The following PRKCQ variants were observed in gnomAD, a reference collection of about 807,000 sequenced individuals.
The protein encoded by PRKCQ is protein kinase C theta, also known as protein kinase C theta type.
A neutral mutation model predicts 91.2 loss-of-function variants in PRKCQ; 41 were observed. The observed-to-expected ratio is 0.45, with a 90% CI of 0.35 to 0.58. The LOEUF is 0.58. Among genes scored for constraint, PRKCQ ranks in the 20% least tolerant of loss-of-function variants. PRKCQ has a pLI of 0.00. For missense variants in PRKCQ, 673 were observed against 896.5 expected (o/e 0.75, Z 3.18); for synonymous variants, 307 against 316.9 (o/e 0.97, Z 0.33).
chr10:6,416,821 A>G, the PRKCQ span, among the ~76,000 whole-genome samples: 1 of 152,216 alleles, frequency 6.6e-6, no homozygotes, highest in East Asian at 1.9e-4. Context: ...ACTAGTTTAC[A>G]TTCCCACCAG....
chr10:6,495,707 G>A (rs1432148942), intron 7 of PRKCQ, among the ~76,000 whole-genome samples: 2 of 152,208 alleles, frequency 1.3e-5, no homozygotes, highest in East Asian at 3.8e-4. Context: ...ACCCAGTGAG[G>A]ATTTGTGGAA....
the PRKCQ span, among the ~76,000 whole-genome samples, chr10:6,419,685 CTTTTTTTTTT>C: frequency 5.6e-5 from 6 of 108,006 alleles, no homozygotes; most frequent in Non-Finnish European, 9.7e-5. Flanking sequence ...CTGAAATCTC[CTTTTTTTTTT>C]TTTTTTTTTT....
chr10:6,404,677 C>T, the PRKCQ span, among the ~76,000 whole-genome samples: 1 of 136,076 alleles, frequency 7.3e-6, no homozygotes. Flanking sequence ...TCTCTCTTTC[C>T]TTTCTTCCTT....
chr10:6,397,840 G>A, the PRKCQ span, among the ~76,000 whole-genome samples: 5 of 152,066 alleles, frequency 3.3e-5, no homozygotes, highest in African/African-American at 7.2e-5. Context: ...CAGGAGAATC[G>A]CTTGAACCTG....
intron 13 of PRKCQ, among the ~76,000 whole-genome samples, chr10:6,463,939 C>T (rs965530573): frequency 3.9e-5 from 6 of 152,228 alleles, no homozygotes; most frequent in African/African-American, 1.4e-4. Context: ...TATGCCTCCA[C>T]ATCAGGCTTT....
chr10:6,447,357 T>C (rs1461381808), intron 15 of PRKCQ, among the ~76,000 whole-genome samples: 1 of 148,184 alleles, frequency 6.7e-6, no homozygotes, highest in African/African-American at 2.5e-5. Flanking sequence ...CAGCGAGCCA[T>C]GATTGTGCCA....
At chr10:6,496,402 G>T (rs972970017) in intron 7 of PRKCQ, among the ~76,000 whole-genome samples, 2 of 152,028 alleles carry the variant, frequency 1.3e-5, no homozygotes, top group Non-Finnish European at 1.5e-5. Flanking sequence ...TACTCTAAAA[G>T]AAATATTTGC....
At chr10:6,485,105 T>G in intron 10 of PRKCQ, 47 bp downstream of exon 10, 350 of 1,489,108 alleles carry the variant, frequency 2.4e-4, no homozygotes, top group Non-Finnish European at 3.0e-4. Context: ...TAGGGTTAAT[T>G]GAGATTAATG....
chr10:6,463,756 G>C (rs1835483530), intron 13 of PRKCQ, among the ~76,000 whole-genome samples: 1 of 152,172 alleles, frequency 6.6e-6, no homozygotes, highest in East Asian at 1.9e-4. Context: ...CAGGAAGTGG[G>C]ACCCAAAGGG....
intron 10 of PRKCQ, 131 bp from the exon 11 acceptor site, chr10:6,483,731 G>A (rs974524060): frequency 1.7e-5 from 18 of 1,034,268 alleles, no homozygotes; most frequent in African/African-American, 6.5e-5. Flanking sequence ...TGTTTAGAGG[G>A]TTTCCTACAG....
At chr10:6,417,951 C>T in the PRKCQ span, among the ~76,000 whole-genome samples, 3 of 152,336 alleles carry the variant, frequency 2.0e-5, no homozygotes, top group South Asian at 2.1e-4. Context: ...CTCGCAGAGG[C>T]GCTATCTCCC....
chr10:6,548,531 C>T (rs973609457), intron 1 of PRKCQ, among the ~76,000 whole-genome samples: 3 of 148,030 alleles, frequency 2.0e-5, no homozygotes, highest in East Asian at 2.0e-4. Flanking sequence ...GGCACATATA[C>T]ACCATGGAAT....
chr10:6,463,256 A>G (rs192725244), intron 13 of PRKCQ, among the ~76,000 whole-genome samples: 1 of 152,316 alleles, frequency 6.6e-6, no homozygotes, highest in East Asian at 1.9e-4. Flanking sequence ...AGTTTACCCC[A>G]TCACTGGTGG....
the PRKCQ span, among the ~76,000 whole-genome samples, chr10:6,406,528 C>T: frequency 2.6e-5 from 4 of 151,960 alleles, no homozygotes; most frequent in Non-Finnish European, 4.4e-5. Flanking sequence ...AAATTACTTT[C>T]CCAGTTTATT....
intron 1 of PRKCQ, among the ~76,000 whole-genome samples, chr10:6,567,221 G>T (rs924073952): frequency 2.0e-5 from 3 of 152,194 alleles, no homozygotes; most frequent in African/African-American, 4.8e-5. Context: ...ACTTGGAAAA[G>T]CTCTAACACA....
chr10:6,472,950 G>A (rs80129058), intron 12 of PRKCQ, among the ~76,000 whole-genome samples: 4 of 152,120 alleles, frequency 2.6e-5, no homozygotes, highest in Admixed American at 6.5e-5. Flanking sequence ...TGACCCCAAG[G>A]TGATCCACCC....
At chr10:6,464,543 G>T in intron 12 of PRKCQ, 139 bp from the exon 13 acceptor site, 1 of 660,116 alleles carries the variant, frequency 1.5e-6, no homozygotes, top group Admixed American at 2.8e-5. Flanking sequence ...TCCGCCTCCT[G>T]GCTTCAAGAG....
intron 5 of PRKCQ, 88 bp downstream of exon 5, chr10:6,498,308 C>T: frequency 6.7e-7 from 1 of 1,500,750 alleles, no homozygotes; most frequent in Non-Finnish European, 9.2e-7. Flanking sequence ...GCACACCCCC[C>T]ACAGTGGAGC....
intron 1 of PRKCQ, among the ~76,000 whole-genome samples, chr10:6,575,169 T>C (rs576500901): frequency 1.3e-5 from 2 of 152,214 alleles, no homozygotes; most frequent in Admixed American, 1.3e-4. Flanking sequence ...AAATATCTCA[T>C]GAATTCATCA....
Sources: allele counts gnomAD v4.1 joint callset (sites outside exome capture counted in the v4.1 genomes callset), GRCh38; gene constraint gnomAD v4.1.1; transcripts MANE v1.5; gene names NCBI Gene and HGNC (gene_info 2026-07-23, HGNC 2026-07-21).